Variants in GLIS1 observed in about 807,000 individuals in gnomAD.
The protein encoded by GLIS1 is zinc finger protein GLIS1.
Under a neutral mutation model 63.8 loss-of-function variants are expected in GLIS1, and 24 were observed. That is an observed-to-expected ratio of 0.38 (90% CI 0.27 to 0.53). The LOEUF (loss-of-function observed/expected upper bound fraction) is 0.53, where lower values mean the gene tolerates loss of function less well. GLIS1 is among the 20% of genes least tolerant of loss of function. The probability of loss-of-function intolerance (pLI) is 0.85; values close to 1 mark genes in which losing one functional copy is unlikely to be tolerated. For missense variants in GLIS1, 1,036 were observed against 1,074.1 expected (o/e 0.96, Z 0.50); for synonymous variants, 450 against 482.5 (o/e 0.93, Z 0.88).
At chr1:53,655,695 G>A (rs189720030) in intron 2 of GLIS1, among the ~76,000 whole-genome samples, 49 of 152,310 alleles carry the variant, frequency 3.2e-4, no homozygotes, top group Non-Finnish European at 5.9e-4. Context: ...ACTCGAGGAT[G>A]AGAACCACAT....
chr1:53,515,425 G>A (rs1215900930), intron 7 of GLIS1, among the ~76,000 whole-genome samples: 2 of 152,088 alleles, frequency 1.3e-5, no homozygotes, highest in African/African-American at 2.4e-5. Context: ...GCTGGCCTGG[G>A]AGACCTCTGA....
chr1:53,604,067 G>A (rs1364167293), intron 2 of GLIS1, among the ~76,000 whole-genome samples: 1 of 152,244 alleles, frequency 6.6e-6, no homozygotes, highest in Non-Finnish European at 1.5e-5. Context: ...AACCCACAAC[G>A]TTGAGGTGAC....
At chr1:53,595,321 C>T (rs1414896876) in intron 3 of GLIS1, among the ~76,000 whole-genome samples, 1 of 152,146 alleles carries the variant, frequency 6.6e-6, no homozygotes, top group Admixed American at 6.5e-5. Flanking sequence ...GTGTTCACGA[C>T]CAGCTTGGGC....
chr1:53,725,839 C>A (rs555595913), intron 2 of GLIS1, among the ~76,000 whole-genome samples: 3 of 152,206 alleles, frequency 2.0e-5, no homozygotes, highest in Non-Finnish European at 4.4e-5. Context: ...GGAACTGAGT[C>A]TCAAAAATTG....
intron 2 of GLIS1, among the ~76,000 whole-genome samples, chr1:53,644,681 G>A (rs982261991): frequency 1.3e-5 from 2 of 152,186 alleles, no homozygotes; most frequent in African/African-American, 2.4e-5. Flanking sequence ...AGGGCCCGGA[G>A]GAGGCAGTGT....
intron 2 of GLIS1, among the ~76,000 whole-genome samples, chr1:53,640,812 C>T (rs776913070): frequency 1.3e-5 from 2 of 152,168 alleles, no homozygotes; most frequent in African/African-American, 4.8e-5. Context: ...TACCCCATGC[C>T]CCTTTCATGC....
intron 4 of GLIS1, among the ~76,000 whole-genome samples, chr1:53,577,609 G>T (rs1213711441): frequency 6.6e-6 from 1 of 152,342 alleles, no homozygotes; most frequent in Non-Finnish European, 1.5e-5. Flanking sequence ...CTGGCCAGTG[G>T]GTTGCCCTGC....
chr1:53,664,078 G>A (rs1443716157), intron 2 of GLIS1, among the ~76,000 whole-genome samples: 1 of 152,198 alleles, frequency 6.6e-6, no homozygotes, highest in Non-Finnish European at 1.5e-5. Flanking sequence ...CAGGGAGTCT[G>A]GCCCTAGCCA....
At position 53,509,894 on chromosome 1, in the gene GLIS1, G is replaced by A; in HGVS notation, c.2017C>T (p.Pro673Ser). 7.6e-7 allele frequency: 1 copy of A among 1,308,702 alleles called. No homozygotes were observed. The highest frequency in any genetic ancestry group is 9.8e-7 in the Non-Finnish European group (1 of 1,020,248). 81.1% of individuals were successfully genotyped at this position (1,308,702 alleles called of 1,614,324 possible). Residue 673 changes from proline (P) to serine (S), a missense_variant, in exon 9 of 11, where the codon CCA becomes TCA. This residue lies in a region of GLIS1 where 400 missense variants were observed against 400.9 expected (regional missense o/e 1.00). Transcript: ENST00000628545. The stretch of plus-strand genomic sequence containing the variant: ...GGGGGTGGAGGGCTCTGGAAGGGTG[G>A]GTAGGACGGCTTGCTGGGGAGTGTG... ...FPTLPSKPSY[P>S]PFQSPPPPPL...
intron 2 of GLIS1, among the ~76,000 whole-genome samples, chr1:53,734,549 T>C (rs1338470143): frequency 1.3e-5 from 2 of 152,210 alleles, no homozygotes; most frequent in Non-Finnish European, 2.9e-5. Flanking sequence ...AGCAAATCCC[T>C]GAACCTTAAT....
chr1:53,700,844 G>T (rs1292096524), intron 2 of GLIS1, among the ~76,000 whole-genome samples: 2 of 152,176 alleles, frequency 1.3e-5, no homozygotes, highest in Non-Finnish European at 2.9e-5. Context: ...TACCTGTCCA[G>T]GACATTTCAT....
chr1:53,568,713 C>T (rs1644957232), intron 4 of GLIS1, among the ~76,000 whole-genome samples: 1 of 152,136 alleles, frequency 6.6e-6, no homozygotes, highest in Admixed American at 6.5e-5. Context: ...TGTGTGGCAC[C>T]TCCCCCTTCT....
At position 53,600,361 on chromosome 1, in the gene GLIS1, G is replaced by A. The variant is rs941678269; in HGVS notation, c.260-83C>T. The A allele has an allele frequency of 4.9e-6, 4 of 822,746 alleles. No homozygotes were observed. In the Admixed American group the frequency reaches 1.3e-4, roughly 27 times the overall value. The allele number at this position is 822,746 out of a possible 1,614,324, so 51.0% of individuals were successfully genotyped here. ...GGTATGGGGAGAGGGCAGTCCCTGGGGTACAGCAAGGGACAGGGCACCCAG... is the reference window on the plus strand; with the variant it reads ...GGTATGGGGAGAGGGCAGTCCCTGGAGTACAGCAAGGGACAGGGCACCCAG... On this transcript the variant is annotated intron_variant, in intron 2 of 10. Coordinates refer to ENST00000628545, the MANE Select transcript of GLIS1 (RefSeq NM_001367484.1).
intron 2 of GLIS1, among the ~76,000 whole-genome samples, chr1:53,713,618 T>A (rs947485441): frequency 2.0e-5 from 3 of 152,188 alleles, no homozygotes; most frequent in African/African-American, 7.2e-5. Flanking sequence ...AATAACTAGC[T>A]GGACTTACTG....
intron 2 of GLIS1, among the ~76,000 whole-genome samples, chr1:53,701,642 ACCAG>A (rs1646523594): frequency 1.3e-5 from 2 of 152,176 alleles, no homozygotes; most frequent in Admixed American, 6.5e-5. Flanking sequence ...GCTCTTAACC[ACCAG>A]GACCCTCTGC....
intron 2 of GLIS1, among the ~76,000 whole-genome samples, chr1:53,736,032 G>T (rs956240460): frequency 6.6e-6 from 1 of 152,072 alleles, no homozygotes; most frequent in Non-Finnish European, 1.5e-5. Flanking sequence ...CCACCTTCAG[G>T]CCTCAGTTTC....
At chr1:53,737,754 C>T in intron 2 of GLIS1, 52 bp downstream of exon 2, 1 of 1,229,724 alleles carries the variant, frequency 8.1e-7, no homozygotes, top group Non-Finnish European at 1.0e-6. Context: ...CGACGCCGGG[C>T]AGCCCGAATC....
At chr1:53,692,177 A>C (rs1646412558) in intron 2 of GLIS1, among the ~76,000 whole-genome samples, 1 of 152,168 alleles carries the variant, frequency 6.6e-6, no homozygotes, top group East Asian at 1.9e-4. Context: ...GGGTTTGAAA[A>C]GCTATTTCTA....
chr1:53,723,906 C>T (rs1012497269), intron 2 of GLIS1, among the ~76,000 whole-genome samples: 5 of 152,184 alleles, frequency 3.3e-5, no homozygotes, highest in African/African-American at 1.2e-4. Flanking sequence ...AGCTGCTGCT[C>T]AGGGCACTGT....
Sources: gnomAD v4.1 joint callset for allele counts (sites outside exome capture counted in the v4.1 genomes callset) on GRCh38, gnomAD v4.1.1 for gene constraint, gnomAD v4.1.1 regional missense constraint, MANE v1.5 for transcripts, NCBI Gene and HGNC (gene_info 2026-07-23, HGNC 2026-07-21) for gene names.